The following KIF6 variants were observed in gnomAD, a reference collection of about 807,000 sequenced individuals.
KIF6 encodes the protein kinesin-like protein KIF6.
Under a neutral mutation model 112.7 loss-of-function variants are expected in KIF6, and 106 were observed. The observed-to-expected ratio is 0.94, with a 90% confidence interval of 0.80 to 1.11. KIF6 has a LOEUF of 1.11. Among genes scored for constraint, KIF6 ranks in the 50% least tolerant of loss-of-function variants. The pLI is 0.00. For missense variants in KIF6, 929 were observed against 964.0 expected (o/e 0.96, Z 0.48); for synonymous variants, 339 against 339.9 (o/e 1.00, Z 0.03).
chr6:39,382,501 GTTTT>G (rs112661820), intron 16 of KIF6, among the ~76,000 whole-genome samples: 1 of 150,632 alleles, frequency 6.6e-6, no homozygotes, highest in East Asian at 2.0e-4. Flanking sequence ...ATGTGATTTT[GTTTT>G]TTTTTATGGC....
chr6:39,376,503 C>A (rs116605575), intron 16 of KIF6, among the ~76,000 whole-genome samples: 1 of 152,192 alleles, frequency 6.6e-6, no homozygotes, highest in African/African-American at 2.4e-5. Flanking sequence ...ATGTAGAAAC[C>A]TGAGCGCAGA....
intron 13 of KIF6, among the ~76,000 whole-genome samples, chr6:39,532,713 G>A (rs1487817311): frequency 6.6e-6 from 1 of 152,196 alleles, no homozygotes; most frequent in African/African-American, 2.4e-5. Flanking sequence ...GCTTCTTAAT[G>A]AGCACCATAC....
At chr6:39,690,554 A>G (rs1467483951) in intron 3 of KIF6, 1 of 152,528 alleles carries the variant, frequency 6.6e-6, no homozygotes, top group Non-Finnish European at 1.5e-5. Flanking sequence ...CAGTGTAGGG[A>G]ACAGACAAGC....
In KIF6 at chr6:39,342,598, T is replaced by C. The variant is rs1192227057; in HGVS notation, c.2428+1111A>G. ...ACTTGGAGATCACTGAATCCAGTTT[T>C]TTATTTTTTTTTATTTTTTTTTATT... On this transcript the variant is annotated intron_variant, in intron 22 of 22. Coordinates refer to ENST00000287152, the MANE Select transcript of KIF6 (RefSeq NM_145027.6). This position sits in a 1 kb window ranked among gnomAD's most constrained non-coding sequence, Gnocchi z 4.7. 5.0e-5 allele frequency among the ~76,000 whole-genome samples: 5 copies of C among 100,402 alleles called. No individual in the cohort carries two copies. Among genetic ancestry groups the C allele is most frequent in the Admixed American group, 3.5e-4 (4 of 11,552 alleles). The allele number at this position is 100,402 out of a possible 152,430, so 65.9% of individuals were successfully genotyped here. A position where few individuals can be genotyped will look rare whatever the true frequency, so the allele number is the denominator to read the frequency against.
chr6:39,603,198 G>A (rs1040812268), intron 6 of KIF6, among the ~76,000 whole-genome samples: 3 of 152,118 alleles, frequency 2.0e-5, no homozygotes, highest in Non-Finnish European at 2.9e-5. Context: ...TGTAAAAAGT[G>A]ACTCAAAAAT....
intron 20 of KIF6, among the ~76,000 whole-genome samples, chr6:39,346,096 TCCCTCCCCCC>T (rs1763739938): frequency 5.6e-4 from 3 of 5,346 alleles, no homozygotes; most frequent in Admixed American, 2.1e-3. Context: ...CCCCCCCCTC[TCCCTCCCCCC>T]CTCCCTCTCC....
intron 3 of KIF6, among the ~76,000 whole-genome samples, chr6:39,689,578 T>C (rs1375786525): frequency 4.6e-5 from 7 of 152,148 alleles, no homozygotes; most frequent in Non-Finnish European, 8.8e-5. Context: ...TGAATTCTGC[T>C]GTCATATAAT....
intron 13 of KIF6, among the ~76,000 whole-genome samples, chr6:39,434,254 C>T (rs1357348628): frequency 6.6e-6 from 1 of 151,792 alleles, no homozygotes; most frequent in Non-Finnish European, 1.5e-5. Flanking sequence ...ATTTGGAGTC[C>T]AGTAAGGGAG....
Position 39,431,167 on chromosome 6 carries a change from T to A in KIF6, c.1646-6A>T. On this transcript the variant is annotated splice_region_variant and splice_polypyrimidine_tract_variant and intron_variant, in intron 13 of 22. Coordinates refer to ENST00000287152, the MANE Select transcript of KIF6 (RefSeq NM_145027.6). ...TGACATTTCCTCTCTCATTCCTGTT[T>A]GGAGACACAGGGAAATGGCCTCAGT... 3 of 1,544,454 alleles carry A rather than the reference T, an allele frequency of 1.9e-6. No individual in the cohort carries two copies. The highest frequency in any genetic ancestry group is 2.7e-6 in the Non-Finnish European group (3 of 1,116,878).
intron 5 of KIF6, among the ~76,000 whole-genome samples, chr6:39,627,348 A>G (rs1416649024): frequency 1.3e-5 from 2 of 151,962 alleles, no homozygotes; most frequent in Non-Finnish European, 2.9e-5. Flanking sequence ...GCTCTCTTAC[A>G]ATGTTTTTCA....
At chr6:39,458,607 G>T (rs1773296567) in intron 13 of KIF6, among the ~76,000 whole-genome samples, 1 of 143,978 alleles carries the variant, frequency 6.9e-6, no homozygotes, top group African/African-American at 2.6e-5. Flanking sequence ...CGACATGATT[G>T]TTTATCTAGA....
In KIF6 at chr6:39,602,773, T is replaced by TA. The variant is rs373629308; in HGVS notation, c.640-6514dup. 1.1e-4 allele frequency among the ~76,000 whole-genome samples: 16 copies of TA among 152,282 alleles called. No individual in the cohort carries two copies. The East Asian group carries it at 3.1e-3, about 29-fold the overall frequency. ...GCGTGATTCCAGAGCTCTTAATCACTACTCTCTACATCTTCAATTGCCTTT... is the reference window on the plus strand; with the variant it reads ...GCGTGATTCCAGAGCTCTTAATCACTAACTCTCTACATCTTCAATTGCCTTT... On this transcript the variant is annotated intron_variant, in intron 6 of 22. Transcript: ENST00000287152.
intron 5 of KIF6, among the ~76,000 whole-genome samples, chr6:39,631,428 A>T (rs1784346668): frequency 6.6e-6 from 1 of 152,068 alleles, no homozygotes; most frequent in African/African-American, 2.4e-5. Context: ...GATTTTGTAG[A>T]TGCTCTTTAA....
At chr6:39,350,420 G>A (rs917972405) in intron 19 of KIF6, among the ~76,000 whole-genome samples, 4 of 152,126 alleles carry the variant, frequency 2.6e-5, no homozygotes, top group African/African-American at 4.8e-5. Flanking sequence ...ATTAGCTGGT[G>A]ACCCTGGGCA....
chr6:39,526,686 G>A (rs1777753468), intron 13 of KIF6, among the ~76,000 whole-genome samples: 1 of 152,160 alleles, frequency 6.6e-6, no homozygotes, highest in African/African-American at 2.4e-5. Flanking sequence ...AGGATACAAA[G>A]GTGCATTTCT....
chr6:39,471,479 C>T lies in KIF6; in HGVS notation c.1646-40318G>A, dbSNP rs530870905. 5.9e-5 allele frequency among the ~76,000 whole-genome samples: 9 copies of T among 152,310 alleles called. 1 individual carries two copies. The South Asian group carries it at 1.9e-3, about 32-fold the overall frequency. Reference sequence around the variant, plus strand: ...CACAGGGCCAGCGCTCGACACTCTACGTCTTGGATTTTATTTAACTGTGGT... The same window carrying T: ...CACAGGGCCAGCGCTCGACACTCTATGTCTTGGATTTTATTTAACTGTGGT... On this transcript the variant is annotated intron_variant, in intron 13 of 22. Transcript: ENST00000287152.
rs151139380 is a variant in KIF6 at position 39,604,741 on chromosome 6, A to T, written c.639+8448T>A. Among the ~76,000 whole-genome samples, 592 of 152,292 alleles carry T rather than the reference A, an allele frequency of 3.9e-3. 6 individuals are homozygous for T. Among genetic ancestry groups the T allele is most frequent in the African/African-American group, 0.014 (563 of 41,574 alleles). On this transcript the variant is annotated intron_variant, in intron 6 of 22. Coordinates refer to ENST00000287152, the MANE Select transcript of KIF6 (RefSeq NM_145027.6). Reference sequence around the variant, plus strand: ...ATATAATAAGAATGTTCTAATAATTATGATTCACCTTTATGATAAGAATAG... The same window carrying T: ...ATATAATAAGAATGTTCTAATAATTTTGATTCACCTTTATGATAAGAATAG...
chr6:39,454,050 A>C (rs1039677261), intron 13 of KIF6, among the ~76,000 whole-genome samples: 1 of 152,208 alleles, frequency 6.6e-6, no homozygotes, highest in Admixed American at 6.5e-5. Context: ...AATACAGTAG[A>C]TATTTCTGTT....
intron 13 of KIF6, among the ~76,000 whole-genome samples, chr6:39,524,311 T>TCCC (rs1489968866): frequency 6.6e-6 from 1 of 152,146 alleles, no homozygotes; most frequent in Non-Finnish European, 1.5e-5. Context: ...ATTACATAAT[T>TCCC]CCTATACTTA....
Sources: gnomAD v4.1 joint callset for allele counts (sites outside exome capture counted in the v4.1 genomes callset) on GRCh38, gnomAD v4.1.1 for gene constraint, Gnocchi (gnomAD v3.1) non-coding constraint, MANE v1.5 for transcripts, NCBI Gene and HGNC (gene_info 2026-07-23, HGNC 2026-07-21) for gene names.